Variants in ATP5MJ observed in about 807,000 individuals in gnomAD.
ATP5MJ encodes ATP synthase membrane subunit j.
ATP5MJ carries 4 observed loss-of-function variants against 8.3 expected under a neutral mutation model. That is an observed-to-expected ratio of 0.48 (90% confidence interval 0.24 to 1.11). The LOEUF (loss-of-function observed/expected upper bound fraction) is 1.11. Among genes scored for constraint, ATP5MJ ranks in the 50% least tolerant of loss-of-function variants. The probability of loss-of-function intolerance (pLI) is 0.18; values close to 1 mark genes in which losing one functional copy is unlikely to be tolerated. For synonymous variants in ATP5MJ, 23 were observed against 21.3 expected, an observed-to-expected ratio of 1.08 and a Z score of -0.23; for missense variants, 66 against 71.8, an observed-to-expected ratio of 0.92 and a Z score of 0.29.
At chr14:103,913,602 C>A (rs1478942555) in intron 3 of ATP5MJ, 5 of 378,308 alleles carry the variant, frequency 1.3e-5, no homozygotes, top group Non-Finnish European at 2.3e-5. Context: ...CAGAGCGAGG[C>A]TCCGTCTCAA....
At chr14:103,915,354 CTTTTT>C (rs1046111556) in intron 1 of ATP5MJ, among the ~76,000 whole-genome samples, 165 bp from the exon 2 acceptor site, 4 of 148,956 alleles carry the variant, frequency 2.7e-5, no homozygotes, top group African/African-American at 4.9e-5. Context: ...ACTCACACCT[CTTTTT>C]TTTTTAAGGT....
At chr14:103,921,310 T>C (rs775833113) in intron 1 of ATP5MJ, 160 bp downstream of exon 1, 3 of 336,872 alleles carry the variant, frequency 8.9e-6, no homozygotes, top group Non-Finnish European at 1.1e-5. Flanking sequence ...CAACCGACCC[T>C]GGCCTACCTC....
At chr14:103,914,637 CAAA>C in intron 2 of ATP5MJ, 4 of 425,468 alleles carry the variant, frequency 9.4e-6, no homozygotes, top group East Asian at 3.9e-5. Context: ...CCCATCTCTA[CAAA>C]AAAAAAAAGT....
rs1378860653 is a variant in ATP5MJ, at chr14:103,912,361, C to T, written c.*305G>A. 5.7e-6 allele frequency: 2 copies of T among 353,132 alleles called. No homozygotes were observed. Among genetic ancestry groups the T allele is most frequent in the Non-Finnish European group, 1.0e-5 (2 of 194,528 alleles). 21.9% of individuals were successfully genotyped at this position (353,132 alleles called of 1,614,324 possible). On this transcript the variant is annotated 3_prime_UTR_variant, in exon 4 of 4. Coordinates refer to ENST00000286953, the MANE Select transcript of ATP5MJ (RefSeq NM_004894.3). ...AAGTGAGTGCCTGGATCCTGATCAC[C>T]AAGTCCTGTACAACTGAGGTAATTA...
chr14:103,914,628 CCA>C, intron 2 of ATP5MJ: 2 of 597,446 alleles, frequency 3.3e-6, no homozygotes, highest in South Asian at 4.2e-5. Flanking sequence ...TGGCAAAACC[CCA>C]TCTCTACAAA....
At chr14:103,914,872 A>AAAAAAAAAAAAAAAG in intron 2 of ATP5MJ, 194 bp downstream of exon 2, 1 of 604,700 alleles carries the variant, frequency 1.7e-6, no homozygotes, top group Non-Finnish European at 2.7e-6. Flanking sequence ...AGAAAAGAAA[A>AAAAAAAAAAAAAAAG]AAAAAATTCC....
intron 1 of ATP5MJ, among the ~76,000 whole-genome samples, chr14:103,919,079 C>T (rs951233596): frequency 2.0e-5 from 3 of 151,840 alleles, no homozygotes; most frequent in Non-Finnish European, 4.4e-5. Context: ...GTGCCTGGTA[C>T]GGAATAAAAA....
At chr14:103,921,014 A>G (rs2087673892) in intron 1 of ATP5MJ, 3 of 1,551,672 alleles carry the variant, frequency 1.9e-6, no homozygotes, top group East Asian at 4.9e-5. Flanking sequence ...ATCTCTTTTC[A>G]GCTTCCCTGT....
intron 2 of ATP5MJ, 113 bp from the exon 3 acceptor site, chr14:103,914,097 A>G (rs1032225669): frequency 2.1e-6 from 2 of 969,846 alleles, no homozygotes; most frequent in Non-Finnish European, 3.0e-6. Context: ...CAATTCAGGA[A>G]GCTTTCAGAA....
At chr14:103,919,288 G>T (rs1348849665) in intron 1 of ATP5MJ, among the ~76,000 whole-genome samples, 1 of 150,924 alleles carries the variant, frequency 6.6e-6, no homozygotes, top group African/African-American at 2.4e-5. Flanking sequence ...GGCTGAGGCA[G>T]GAGAATCGCT....
Position 103,913,989 on chromosome 14 carries a change from A to C in ATP5MJ, c.125-5T>G. On this transcript the variant is annotated splice_region_variant and splice_polypyrimidine_tract_variant and intron_variant, in intron 2 of 3. Coordinates refer to ENST00000286953, the MANE Select transcript of ATP5MJ (RefSeq NM_004894.3). ...TCAAAGCCTTACTTCTTTTATCTAA[A>C]ATAAAAGGAAGGAAAAAAAAGCAGT... The C allele has an allele frequency of 6.2e-7, 1 of 1,603,804 alleles. No individual in the cohort carries two copies. Among genetic ancestry groups the C allele is most frequent in the Middle Eastern group, 1.7e-4 (1 of 6,014 alleles).
intron 1 of ATP5MJ, among the ~76,000 whole-genome samples, chr14:103,915,849 C>T (rs915679367): frequency 2.0e-5 from 3 of 152,068 alleles, no homozygotes; most frequent in Admixed American, 6.6e-5. Context: ...CCTCCTCCCA[C>T]CTTTGGCCAT....
At chr14:103,914,837 C>CAAAAAGAAAAAAA (rs370479683) in intron 2 of ATP5MJ, 2 of 191,090 alleles carry the variant, frequency 1.0e-5, no homozygotes, top group Admixed American at 1.6e-4. Flanking sequence ...AGACTGTCTC[C>CAAAAAGAAAAAAA]AAAAAAAAAA....
intron 1 of ATP5MJ, among the ~76,000 whole-genome samples, chr14:103,919,846 T>A (rs1453261700): frequency 6.6e-6 from 1 of 151,842 alleles, no homozygotes; most frequent in Non-Finnish European, 1.5e-5. Context: ...TTTTTTTTTT[T>A]AGACAGAGTT....
intron 1 of ATP5MJ, chr14:103,921,135 T>A: frequency 8.9e-7 from 1 of 1,122,184 alleles, no homozygotes; most frequent in Non-Finnish European, 1.3e-6. Flanking sequence ...GTTCTTGGCT[T>A]GGACTCTGGC....
chr14:103,918,607 G>A (rs1001677731), intron 1 of ATP5MJ, among the ~76,000 whole-genome samples: 1 of 151,852 alleles, frequency 6.6e-6, no homozygotes, highest in South Asian at 2.1e-4. Context: ...TGTTCTGCCC[G>A]CCTCGGCCTC....
At chr14:103,914,419 AT>A in intron 2 of ATP5MJ, 1 of 574,188 alleles carries the variant, frequency 1.7e-6, no homozygotes. Context: ...TACCTTAAAT[AT>A]TTTAGCCTTC....
Position 103,914,837 on chromosome 14 carries a change from C to CAAAAAGGAAAAAA in ATP5MJ, c.124+228_124+229insTTTTTTCCTTTTT, listed in dbSNP as rs370479683. The CAAAAAGGAAAAAA allele has an allele frequency of 5.2e-5, 10 of 191,090 alleles. No individual in the cohort carries two copies. In the Admixed American group the frequency reaches 9.4e-4, roughly 18 times the overall value. 11.8% of individuals were successfully genotyped at this position (191,090 alleles called of 1,614,324 possible). A position where few individuals can be genotyped will look rare whatever the true frequency, so the allele number is the denominator to read the frequency against. Reference sequence around the variant, plus strand: ...GGGCGTCAGAGTGAGAGACTGTCTCCAAAAAAAAAAAAAAAAAAAAGAAAA... The same window carrying CAAAAAGGAAAAAA: ...GGGCGTCAGAGTGAGAGACTGTCTCCAAAAAGGAAAAAAAAAAAAAAAAAAAAAAAAAAGAAAA... On this transcript the variant is annotated intron_variant, in intron 2 of 3. Coordinates refer to ENST00000286953, the MANE Select transcript of ATP5MJ (RefSeq NM_004894.3).
intron 1 of ATP5MJ, among the ~76,000 whole-genome samples, chr14:103,920,333 C>T (rs896329606): frequency 3.0e-4 from 45 of 150,614 alleles, no homozygotes; most frequent in African/African-American, 9.8e-4. Context: ...GGGGTTTCAC[C>T]GTGTTAGTCA....
Sources: gnomAD v4.1 joint callset for allele counts (sites outside exome capture counted in the v4.1 genomes callset) on GRCh38, gnomAD v4.1.1 for gene constraint, MANE v1.5 for transcripts, NCBI Gene and HGNC (gene_info 2026-07-23, HGNC 2026-07-21) for gene names.